ZNF438: variants seen among roughly 807,000 people sequenced by gnomAD.
The protein encoded by ZNF438 is zinc finger protein 438.
Under a neutral mutation model 38.0 loss-of-function variants are expected in ZNF438, and 25 were observed. The observed-to-expected ratio is 0.66, with a 90% CI of 0.48 to 0.92. ZNF438 has a LOEUF of 0.92. Among genes scored for constraint, ZNF438 ranks in the 40% least tolerant of loss-of-function variants. The probability of loss-of-function intolerance (pLI) is 0.00; values close to 1 mark genes in which losing one functional copy is unlikely to be tolerated. For missense variants in ZNF438, 1,007 were observed against 999.6 expected (o/e 1.01, Z -0.10); for synonymous variants, 372 against 364.1 (o/e 1.02, Z -0.25).
At chr10:30,960,832 T>C (rs1165126867) in intron 1 of ZNF438, among the ~76,000 whole-genome samples, 1 of 146,948 alleles carries the variant, frequency 6.8e-6, no homozygotes, top group African/African-American at 2.4e-5. Context: ...GGCTATATTT[T>C]AAAGACGTTT....
chr10:30,946,443 C>T (rs1339406079), intron 1 of ZNF438, among the ~76,000 whole-genome samples: 1 of 152,112 alleles, frequency 6.6e-6, no homozygotes, highest in Admixed American at 6.5e-5. Context: ...GCAACCTACT[C>T]ATCTGACAAA....
chr10:31,025,339 C>A (rs1341467389), intron 1 of ZNF438, among the ~76,000 whole-genome samples: 1 of 152,126 alleles, frequency 6.6e-6, no homozygotes, highest in African/African-American at 2.4e-5. Context: ...TGGCCTCAAT[C>A]CACTAGATGC....
chr10:30,922,726 T>C lies in ZNF438; in HGVS notation c.-114-13711A>G, dbSNP rs149905003. The stretch of plus-strand genomic sequence containing the variant: ...GGAGGATGCCTATAATCCTAGCTAC[T>C]TGGGAGTCTGAGGCAGGAGGATCAC... On this transcript the variant is annotated intron_variant, in intron 2 of 5. Coordinates refer to ENST00000413025, the Ensembl canonical transcript of ZNF438. Among the ~76,000 whole-genome samples, 1,503 of 151,972 alleles carry C rather than the reference T, an allele frequency of 9.9e-3. 23 individuals carry two copies. Among genetic ancestry groups the C allele is most frequent in the African/African-American group, 0.034 (1,395 of 41,438 alleles).
At chr10:30,898,925 A>G (rs1237642752) in intron 3 of ZNF438, among the ~76,000 whole-genome samples, 2 of 152,202 alleles carry the variant, frequency 1.3e-5, no homozygotes, top group African/African-American at 2.4e-5. Flanking sequence ...AATAATTTCA[A>G]CTTAGTAACA....
At chr10:31,015,417 G>T (rs1330205435) in intron 1 of ZNF438, among the ~76,000 whole-genome samples, 1 of 152,180 alleles carries the variant, frequency 6.6e-6, no homozygotes, top group African/African-American at 2.4e-5. Context: ...GCAGAGGCAA[G>T]CAGATCACCT....
intron 2 of ZNF438, among the ~76,000 whole-genome samples, chr10:30,937,560 T>C (rs983320794): frequency 2.0e-5 from 3 of 152,182 alleles, no homozygotes; most frequent in African/African-American, 7.2e-5. Flanking sequence ...GAGTAGACAA[T>C]GGTCTCCTTC....
intron 3 of ZNF438, among the ~76,000 whole-genome samples, chr10:30,886,729 C>T (rs780102172): frequency 2.0e-5 from 3 of 152,252 alleles, no homozygotes; most frequent in South Asian, 2.1e-4. Flanking sequence ...ACATGGCTTT[C>T]GCACCATTGT....
At chr10:30,929,438 G>GT (rs1367180653) in intron 2 of ZNF438, among the ~76,000 whole-genome samples, 2 of 152,182 alleles carry the variant, frequency 1.3e-5, no homozygotes, top group Non-Finnish European at 2.9e-5. Context: ...ATTCCTCCTG[G>GT]TGGGTTCGTG....
At chr10:30,936,465 G>C (rs2046266462) in intron 2 of ZNF438, among the ~76,000 whole-genome samples, 1 of 152,168 alleles carries the variant, frequency 6.6e-6, no homozygotes, top group Non-Finnish European at 1.5e-5. Context: ...CCTGAGGTCA[G>C]GAGTTCAAGA....
intron 2 of ZNF438, among the ~76,000 whole-genome samples, chr10:30,933,270 C>T (rs537574650): frequency 5.9e-5 from 9 of 152,274 alleles, no homozygotes; most frequent in African/African-American, 1.9e-4. Flanking sequence ...AATGTAAAAG[C>T]ACAGCCTCCC....
At chr10:31,027,626 T>A (rs1041840335) in intron 1 of ZNF438, among the ~76,000 whole-genome samples, 1 of 152,158 alleles carries the variant, frequency 6.6e-6, no homozygotes, top group African/African-American at 2.4e-5. Flanking sequence ...CTTTATACCA[T>A]ATATGGGTAT....
chr10:31,006,058 A>G (rs998435321), intron 1 of ZNF438, among the ~76,000 whole-genome samples: 2 of 151,998 alleles, frequency 1.3e-5, no homozygotes, highest in African/African-American at 4.8e-5. Context: ...TGTCTACCCT[A>G]TATTACATGG....
At chr10:30,972,607 C>G (rs1310148479) in intron 1 of ZNF438, among the ~76,000 whole-genome samples, 1 of 152,138 alleles carries the variant, frequency 6.6e-6, no homozygotes. Flanking sequence ...GCCACATGCA[C>G]CATGGGCCAG....
intron 3 of ZNF438, among the ~76,000 whole-genome samples, chr10:30,883,611 C>CT (rs1234421170): frequency 6.6e-6 from 1 of 152,138 alleles, no homozygotes; most frequent in Non-Finnish European, 1.5e-5. Flanking sequence ...TGGCTCACGC[C>CT]TGTAATCCCA....
intron 1 of ZNF438, among the ~76,000 whole-genome samples, chr10:30,982,798 T>G (rs1443296800): frequency 1.3e-5 from 2 of 152,218 alleles, no homozygotes; most frequent in Non-Finnish European, 2.9e-5. Context: ...TTAATATTTA[T>G]AGAAATTTAA....
intron 2 of ZNF438, among the ~76,000 whole-genome samples, chr10:30,911,586 A>G (rs1490541271): frequency 1.3e-5 from 2 of 152,062 alleles, no homozygotes; most frequent in Non-Finnish European, 2.9e-5. Context: ...TGTCCTACAA[A>G]TTCTCATCTC....
intron 1 of ZNF438, among the ~76,000 whole-genome samples, chr10:30,949,283 C>T (rs2047857849): frequency 6.6e-6 from 1 of 152,092 alleles, no homozygotes; most frequent in Non-Finnish European, 1.5e-5. Context: ...CCGGTACCAG[C>T]CACTGCAAAA....
chr10:30,938,395 C>T (rs1293246200), intron 2 of ZNF438, among the ~76,000 whole-genome samples: 1 of 152,072 alleles, frequency 6.6e-6, no homozygotes, highest in Non-Finnish European at 1.5e-5. Flanking sequence ...CCTGTCTCAG[C>T]CTCCCAAGTA....
intron 1 of ZNF438, among the ~76,000 whole-genome samples, chr10:30,986,430 T>C (rs573480371): frequency 6.6e-6 from 1 of 152,280 alleles, no homozygotes; most frequent in African/African-American, 2.4e-5. Flanking sequence ...AAAGGAGACT[T>C]GTTTACCGTA....
Sources: gnomAD v4.1 joint callset for allele counts (sites outside exome capture counted in the v4.1 genomes callset) on GRCh38, gnomAD v4.1.1 for gene constraint, MANE v1.5 for transcripts, NCBI Gene and HGNC (gene_info 2026-07-23, HGNC 2026-07-21) for gene names.